RMC1: variants seen among roughly 807,000 people sequenced by gnomAD.
RMC1 encodes the protein regulator of MON1-CCZ1.
RMC1 carries 44 observed loss-of-function variants against 95.5 expected under a neutral mutation model. The ratio of observed to expected loss-of-function variants is 0.46; its 90% CI spans 0.36 to 0.59. The LOEUF is 0.59. Among genes scored for constraint, RMC1 ranks in the 20% least tolerant of loss-of-function variants. The probability of loss-of-function intolerance (pLI) is 0.00; values close to 1 mark genes in which losing one functional copy is unlikely to be tolerated. For missense variants in RMC1, 705 were observed against 819.6 expected, an observed-to-expected ratio of 0.86 and a Z score of 1.71; for synonymous variants, 320 against 303.6, an observed-to-expected ratio of 1.05 and a Z score of -0.56.
At chr18:23,523,897 G>A (rs551834240) in intron 10 of RMC1, among the ~76,000 whole-genome samples, 2 of 152,272 alleles carry the variant, frequency 1.3e-5, no homozygotes, top group African/African-American at 4.8e-5. Flanking sequence ...CACAGTGATT[G>A]AAGCCTTGAC....
intron 14 of RMC1, chr18:23,528,975 G>A (rs1485112048): frequency 8.4e-6 from 6 of 718,028 alleles, no homozygotes; most frequent in Middle Eastern, 8.5e-4. Context: ...TGCCTCCTGG[G>A]TTCAAGGGAT....
chr18:23,510,534 C>T (rs1448744527), intron 5 of RMC1, among the ~76,000 whole-genome samples: 1 of 152,046 alleles, frequency 6.6e-6, no homozygotes, highest in East Asian at 1.9e-4. Context: ...GTAATCCCAG[C>T]TACTAGGGAG....
chr18:23,518,887 T>G lies in RMC1; in HGVS notation c.654-3T>G, dbSNP rs2058075521. 2 of 1,613,832 alleles carry G rather than the reference T, an allele frequency of 1.2e-6. No individual in the cohort carries two copies. Among genetic ancestry groups the G allele is most frequent in the Non-Finnish European group, 1.7e-6 (2 of 1,179,826 alleles). The stretch of plus-strand genomic sequence containing the variant: ...GATTTATGTCTGTTTGTTCCCTAAT[T>G]AGATACGGGCAGCTGTATGTTCTCT... On this transcript the variant is annotated splice_polypyrimidine_tract_variant and splice_region_variant and intron_variant, in intron 7 of 19. Coordinates refer to ENST00000269221, the MANE Select transcript of RMC1 (RefSeq NM_013326.5).
intron 5 of RMC1, 77 bp downstream of exon 5, chr18:23,509,356 A>AAT (rs10688887): frequency 0.027 from 11,559 of 426,112 alleles, 422 homozygotes; most frequent in East Asian, 0.19. Flanking sequence ...TTCAGTACTG[A>AAT]ATATATATAT....
intron 5 of RMC1, 69 bp downstream of exon 5, chr18:23,509,348 C>T (rs1241107380): frequency 1.3e-5 from 8 of 593,192 alleles, no homozygotes; most frequent in Non-Finnish European, 2.1e-5. Flanking sequence ...CTTTTGAATT[C>T]AGTACTGAAT....
rs2057984240 is a variant in RMC1 at position 23,515,724 on chromosome 18, G to A, written c.409-132G>A. On this transcript the variant is annotated intron_variant, in intron 5 of 19. Transcript: ENST00000269221. ...ATTTTTGTATTTTTAGTAGAGATGGGGTTTTACCATTTTGTCCAGGCTGGT... is the reference window on the plus strand; with the variant it reads ...ATTTTTGTATTTTTAGTAGAGATGGAGTTTTACCATTTTGTCCAGGCTGGT... 9.1e-6 allele frequency: 9 copies of A among 986,552 alleles called. No individual in the cohort carries two copies. In the South Asian group the frequency reaches 1.3e-4, roughly 15 times the overall value. 61.1% of individuals were successfully genotyped at this position (986,552 alleles called of 1,614,324 possible).
In RMC1 at chr18:23,515,934, A is replaced by C. The variant is rs191243720; in HGVS notation, c.487A>C (p.Ser163Arg). ...NVNWYMYCPE[S>R]AVILLSTTVL... The stretch of plus-strand genomic sequence containing the variant: ...GAATTGGTACATGTACTGCCCCGAG[A>C]GCGCCGTGATCTTGCTGTCTACCAC... The change falls in exon 6 of 20, where the codon AGC becomes CGC. Residue 163 changes from serine to arginine, a missense_variant. Ser to Arg is a moderately radical substitution (Grantham distance 110). Transcript: ENST00000269221. 283 of 1,614,072 alleles carry C rather than the reference A, an allele frequency of 1.8e-4. No individual in the cohort carries two copies. The East Asian group carries it at 5.0e-3, about 29-fold the overall frequency.
At chr18:23,519,199 AAAGTT>A (rs1598879018) in intron 9 of RMC1, 25 bp downstream of exon 9, 1 of 1,598,850 alleles carries the variant, frequency 6.3e-7, no homozygotes, top group Non-Finnish European at 8.6e-7. Context: ...CGTTTCTACC[AAAGTT>A]AAGGTTGCTT....
At chr18:23,522,566 G>A (rs888771295) in intron 10 of RMC1, 2 of 152,054 alleles carry the variant, frequency 1.3e-5, no homozygotes, top group African/African-American at 4.8e-5. Context: ...TCCTCTTAAG[G>A]CCCAGGGAAG....
intron 10 of RMC1, 145 bp downstream of exon 10, chr18:23,520,458 G>A (rs1319313354): frequency 8.6e-6 from 6 of 700,792 alleles, no homozygotes; most frequent in Middle Eastern, 4.0e-4. Flanking sequence ...GGGGCCATTT[G>A]TTCCAGTTTT....
chr18:23,519,037 T>C (rs2058079470), intron 8 of RMC1, 32 bp from the exon 9 acceptor site: 1 of 1,612,846 alleles, frequency 6.2e-7, no homozygotes, highest in African/African-American at 1.3e-5. Context: ...AACTGCAGCT[T>C]GTTGATCTGT....
chr18:23,526,887 T>TGTGAGGG, intron 13 of RMC1, 122 bp downstream of exon 13: 2 of 1,328,998 alleles, frequency 1.5e-6, no homozygotes, highest in Non-Finnish European at 2.0e-6. Flanking sequence ...TCATTCTTTA[T>TGTGAGGG]GTGAGGGGTG....
At position 23,519,066 on chromosome 18, in the gene RMC1, C is replaced by T. The variant is rs2058080932; in HGVS notation, c.744-3C>T. ...GATCTGTTTTTTGCTTTCTATCCTACAGAGAAGGTGCCTGTAAAAAGATGC... is the reference window on the plus strand; with the variant it reads ...GATCTGTTTTTTGCTTTCTATCCTATAGAGAAGGTGCCTGTAAAAAGATGC... On this transcript the variant is annotated splice_polypyrimidine_tract_variant and splice_region_variant and intron_variant, in intron 8 of 19. Coordinates refer to ENST00000269221, the MANE Select transcript of RMC1 (RefSeq NM_013326.5). 6.2e-7 allele frequency: 1 copy of T among 1,613,908 alleles called. No individual in the cohort carries two copies. Among genetic ancestry groups the T allele is most frequent in the African/African-American group, 1.3e-5 (1 of 74,902 alleles).
chr18:23,514,934 C>T (rs1010294394), intron 5 of RMC1, among the ~76,000 whole-genome samples: 1 of 151,950 alleles, frequency 6.6e-6, no homozygotes, highest in Non-Finnish European at 1.5e-5. Flanking sequence ...TCTGTAATAT[C>T]GGAATATTTA....
rs1229739705 is a variant in RMC1, at chr18:23,527,853, C to G, written c.1248C>G (p.Leu416=). Residue 416 remains leucine (L), a synonymous_variant, in exon 14 of 20, where the codon CTC becomes CTG. Coordinates refer to ENST00000269221, the MANE Select transcript of RMC1 (RefSeq NM_013326.5). ...TGATAGCCACTGTTTTTGATAAACT[C>G]AACCATGAGTATAAAAAGTACCTGG... The part of the protein sequence containing the change: ...LPVIATVFDK[L]NHEYKKYLDA... 40 of 1,613,960 alleles carry G rather than the reference C, an allele frequency of 2.5e-5. 1 individual carries two copies. The highest frequency in any genetic ancestry group is 3.3e-5 in the Non-Finnish European group (39 of 1,180,030).
At chr18:23,520,548 C>T (rs996613318) in intron 10 of RMC1, among the ~76,000 whole-genome samples, 1 of 152,234 alleles carries the variant, frequency 6.6e-6, no homozygotes, top group Non-Finnish European at 1.5e-5. Flanking sequence ...CAGTCTCCAC[C>T]TCCTGGGTTC....
intron 6 of RMC1, 50 bp downstream of exon 6, chr18:23,516,046 G>A: frequency 1.9e-6 from 3 of 1,612,002 alleles, no homozygotes; most frequent in Non-Finnish European, 2.5e-6. Flanking sequence ...GTTGTCCCCT[G>A]TTCCTGTAGC....
At chr18:23,518,657 G>A (rs972452810) in intron 7 of RMC1, among the ~76,000 whole-genome samples, 2 of 152,132 alleles carry the variant, frequency 1.3e-5, no homozygotes, top group African/African-American at 4.8e-5. Context: ...CTATGCTTAG[G>A]TTTGGGGTTT....
intron 2 of RMC1, 42 bp from the exon 3 acceptor site, chr18:23,506,928 A>G: frequency 1.5e-6 from 2 of 1,358,346 alleles, no homozygotes; most frequent in Non-Finnish European, 2.1e-6. Flanking sequence ...TAGTAGCTAG[A>G]ATTCGGTTAT....
Sources: gnomAD v4.1 joint callset for allele counts (sites outside exome capture counted in the v4.1 genomes callset) on GRCh38, gnomAD v4.1.1 for gene constraint, MANE v1.5 for transcripts, NCBI Gene and HGNC (gene_info 2026-07-23, HGNC 2026-07-21) for gene names.